The following SPAG16 variants were observed in gnomAD, a reference collection of about 807,000 sequenced individuals.
The protein encoded by SPAG16 is sperm associated antigen 16.
A neutral mutation model predicts 80.4 loss-of-function variants in SPAG16; 86 were observed. The ratio of observed to expected loss-of-function variants is 1.07; its 90% CI spans 0.90 to 1.28. The LOEUF is 1.28. Among genes scored for constraint, SPAG16 ranks in the 50% most tolerant of loss-of-function variants. SPAG16 has a pLI of 0.00. For missense variants in SPAG16, 870 were observed against 765.3 expected (o/e 1.14, Z -1.61); for synonymous variants, 294 against 265.9 (o/e 1.11, Z -1.03).
chr2:213,284,730 G>C (rs891771862), intron 1 of SPAG16, 111 bp downstream of exon 1: 1 of 1,412,728 alleles, frequency 7.1e-7, no homozygotes, highest in African/African-American at 1.4e-5. Context: ...CCACTCCGGA[G>C]GAGCCTCTGT....
At chr2:214,209,162 G>A (rs1193463380) in intron 15 of SPAG16, among the ~76,000 whole-genome samples, 1 of 151,928 alleles carries the variant, frequency 6.6e-6, no homozygotes, top group Non-Finnish European at 1.5e-5. Context: ...ACCACTTCAT[G>A]CCTCTCCATG....
At chr2:213,558,563 G>A (rs1353278124) in intron 10 of SPAG16, among the ~76,000 whole-genome samples, 1 of 151,510 alleles carries the variant, frequency 6.6e-6, no homozygotes, top group East Asian at 1.9e-4. Flanking sequence ...ATTTTGTTGT[G>A]AACCTAACCA....
At chr2:213,381,260 C>T (rs552459613) in intron 9 of SPAG16, among the ~76,000 whole-genome samples, 1 of 152,198 alleles carries the variant, frequency 6.6e-6, no homozygotes, top group South Asian at 2.1e-4. Flanking sequence ...GACTGCTGTT[C>T]CTTTAGGGAA....
intron 14 of SPAG16, among the ~76,000 whole-genome samples, chr2:214,119,743 G>T (rs949501204): frequency 6.6e-6 from 1 of 151,544 alleles, no homozygotes; most frequent in Non-Finnish European, 1.5e-5. Context: ...CTTCCTGCAG[G>T]GTTTCATTTT....
intron 12 of SPAG16, among the ~76,000 whole-genome samples, chr2:213,997,120 T>C (rs2046559602): frequency 6.6e-6 from 1 of 152,158 alleles, no homozygotes; most frequent in African/African-American, 2.4e-5. Context: ...ACTTAGGAAG[T>C]TCAAGCTAGG....
intron 6 of SPAG16, among the ~76,000 whole-genome samples, chr2:213,342,023 C>A (rs2064710724): frequency 6.6e-6 from 1 of 151,846 alleles, no homozygotes; most frequent in Admixed American, 6.6e-5. Context: ...TGTTATATTC[C>A]AGTGAAATTC....
intron 9 of SPAG16, among the ~76,000 whole-genome samples, chr2:213,456,191 C>T (rs928747214): frequency 1.6e-4 from 24 of 152,044 alleles, no homozygotes; most frequent in African/African-American, 5.3e-4. Flanking sequence ...TTCATGTCTC[C>T]CATTGCTAGC....
chr2:214,251,319 G>A (rs1289567992), intron 15 of SPAG16, among the ~76,000 whole-genome samples: 1 of 151,750 alleles, frequency 6.6e-6, no homozygotes, highest in Non-Finnish European at 1.5e-5. Flanking sequence ...GAAGTATGAG[G>A]TCAATTTCAA....
chr2:213,507,990 A>G (rs1366366674), intron 10 of SPAG16, among the ~76,000 whole-genome samples: 1 of 152,216 alleles, frequency 6.6e-6, no homozygotes, highest in Non-Finnish European at 1.5e-5. Context: ...AATGATTGAT[A>G]CTTTAAGCTC....
At chr2:214,004,946 C>A (rs888407192) in intron 12 of SPAG16, among the ~76,000 whole-genome samples, 2 of 151,958 alleles carry the variant, frequency 1.3e-5, no homozygotes, top group Non-Finnish European at 1.5e-5. Context: ...TAATGAGGGT[C>A]GACCGTATTT....
Position 214,037,835 on chromosome 2 carries a change from C to G in SPAG16, c.1527+23758C>G, listed in dbSNP as rs997878043. Among the ~76,000 whole-genome samples the G allele has an allele frequency of 3.4e-5, 5 of 146,840 alleles. No homozygotes were observed. The East Asian group carries it at 1.0e-3, about 30-fold the overall frequency. On this transcript the variant is annotated intron_variant, in intron 13 of 15. Transcript: ENST00000331683. ...TAACTTTGTTTGATACCAATATTGC[C>G]TTTGCTCTGTTATTATTCCCAGAAG...
At chr2:213,658,214 C>T (rs558550173) in intron 10 of SPAG16, among the ~76,000 whole-genome samples, 9,035 of 152,090 alleles carry the variant, frequency 0.059, 876 homozygotes, top group African/African-American at 0.2. Context: ...TTAAGCCCTC[C>T]TGTTCTTCTC....
chr2:214,032,547 G>A (rs142842300), intron 13 of SPAG16, among the ~76,000 whole-genome samples: 10 of 152,230 alleles, frequency 6.6e-5, no homozygotes, highest in African/African-American at 1.7e-4. Flanking sequence ...ACAGCTTCTC[G>A]GAGGCTAGGA....
At chr2:214,345,070 T>TA in intron 15 of SPAG16, among the ~76,000 whole-genome samples, 1 of 152,144 alleles carries the variant, frequency 6.6e-6, no homozygotes, top group Non-Finnish European at 1.5e-5. Flanking sequence ...TTAGTAAACT[T>TA]AAAGTCCAAC....
chr2:213,945,690 C>T (rs1182322250), intron 12 of SPAG16, among the ~76,000 whole-genome samples: 1 of 152,088 alleles, frequency 6.6e-6, no homozygotes, highest in Admixed American at 6.6e-5. Context: ...ACTTTGCATC[C>T]TTCAATCCCA....
In SPAG16 at chr2:213,791,660, C is replaced by T. The variant is rs903075186; in HGVS notation, c.1071-70825C>T. ...TGAAAAATATTCATTCTGAAATCTA[C>T]GTTAAATACTTCAAATAAAAAAGTA... On this transcript the variant is annotated intron_variant, in intron 10 of 15. Transcript: ENST00000331683. Among the ~76,000 whole-genome samples, 8 of 151,950 alleles carry T rather than the reference C, an allele frequency of 5.3e-5. No individual in the cohort carries two copies. In the East Asian group the frequency reaches 9.6e-4, roughly 18 times the overall value.
chr2:214,149,308 C>T (rs1408835318), intron 15 of SPAG16, 42 bp downstream of exon 15: 5 of 1,427,456 alleles, frequency 3.5e-6, no homozygotes, highest in Admixed American at 2.3e-5. Context: ...AAGCCAATAA[C>T]ATTAATATTT....
At chr2:214,307,877 G>A (rs1206217433) in intron 15 of SPAG16, among the ~76,000 whole-genome samples, 1 of 152,170 alleles carries the variant, frequency 6.6e-6, no homozygotes, top group African/African-American at 2.4e-5. Context: ...TTTCTGTGTG[G>A]AGAGTTATGT....
intron 15 of SPAG16, among the ~76,000 whole-genome samples, chr2:214,174,831 A>T (rs1430777107): frequency 6.6e-6 from 1 of 151,690 alleles, no homozygotes; most frequent in African/African-American, 2.4e-5. Context: ...TTTTGCACGA[A>T]TCTAAAATAA....
Sources: gnomAD v4.1 joint callset for allele counts (sites outside exome capture counted in the v4.1 genomes callset) on GRCh38, gnomAD v4.1.1 for gene constraint, MANE v1.5 for transcripts, NCBI Gene and HGNC (gene_info 2026-07-23, HGNC 2026-07-21) for gene names.